Variants in AFTPH observed in about 807,000 individuals in gnomAD.
The protein encoded by AFTPH is aftiphilin, also known as aftiphilin protein.
A neutral mutation model predicts 72.5 loss-of-function variants in AFTPH; 7 were observed. The ratio of observed to expected loss-of-function variants is 0.10; its 90% CI spans 0.05 to 0.18. The LOEUF is 0.18. AFTPH is among the 10% of genes least tolerant of loss of function. AFTPH has a pLI of 1.00. For synonymous variants in AFTPH, 337 were observed against 370.1 expected (o/e 0.91, Z 1.03); for missense variants, 979 against 1,060.5 (o/e 0.92, Z 1.07).
intron 2 of AFTPH, among the ~76,000 whole-genome samples, chr2:64,556,757 T>G (rs1671402531): frequency 6.6e-6 from 1 of 152,224 alleles, no homozygotes. Context: ...AAAATGTTCG[T>G]AGTCTAATTC....
At position 64,573,085 on chromosome 2, in the gene AFTPH, G is replaced by A; in HGVS notation, c.2394+17G>A. On this transcript the variant is annotated intron_variant, in intron 6 of 8. Transcript: ENST00000238856. Reference sequence around the variant, plus strand: ...CAGTTCCAGGTAAAAATATCTATATGTGTATAAATATGTTTATGCGTGTAT... The same window carrying A: ...CAGTTCCAGGTAAAAATATCTATATATGTATAAATATGTTTATGCGTGTAT... 2 of 1,601,286 alleles carry A rather than the reference G, an allele frequency of 1.2e-6. No individual in the cohort carries two copies. The highest frequency in any genetic ancestry group is 1.7e-6 in the Non-Finnish European group (2 of 1,168,494).
At chr2:64,529,108 T>TA (rs974187498) in intron 1 of AFTPH, among the ~76,000 whole-genome samples, 14 of 152,268 alleles carry the variant, frequency 9.2e-5, no homozygotes, top group Middle Eastern at 3.4e-3. Context: ...TCAGAAAGCT[T>TA]ACAGAGGCAC....
At chr2:64,546,620 C>T (rs1486908086) in intron 1 of AFTPH, among the ~76,000 whole-genome samples, 1 of 151,678 alleles carries the variant, frequency 6.6e-6, no homozygotes, top group Non-Finnish European at 1.5e-5. Context: ...GTTGCAATGT[C>T]AATACAAATA....
chr2:64,571,248 T>C lies in AFTPH; in HGVS notation c.2271+1569T>C, dbSNP rs565987678. ...CTTGGAAGACTTGTTAAAACACAAA[T>C]TGTTGAGCACCGCCCCCCACCCCCC... On this transcript the variant is annotated intron_variant, in intron 5 of 8. Transcript: ENST00000238856. Among the ~76,000 whole-genome samples, 6 of 148,886 alleles carry C rather than the reference T, an allele frequency of 4.0e-5. No individual in the cohort carries two copies. In the South Asian group the frequency reaches 1.3e-3, roughly 31 times the overall value.
At chr2:64,531,439 G>T (rs887131369) in intron 1 of AFTPH, among the ~76,000 whole-genome samples, 4 of 152,156 alleles carry the variant, frequency 2.6e-5, no homozygotes, top group African/African-American at 9.7e-5. Flanking sequence ...CTTTTCAGCA[G>T]TGTGGAATGT....
chr2:64,561,575 A>C (rs1226988892), intron 2 of AFTPH, among the ~76,000 whole-genome samples: 1 of 152,186 alleles, frequency 6.6e-6, no homozygotes, highest in Non-Finnish European at 1.5e-5. Flanking sequence ...CTAGCTACCC[A>C]GGAGGTTGTG....
At chr2:64,532,873 G>C (rs1669701949) in intron 1 of AFTPH, among the ~76,000 whole-genome samples, 1 of 152,096 alleles carries the variant, frequency 6.6e-6, no homozygotes, top group African/African-American at 2.4e-5. Flanking sequence ...TAATACCTAT[G>C]GGAAAATTTA....
Position 64,568,798 on chromosome 2 carries a change from G to A in AFTPH, c.2088-294G>A, listed in dbSNP as rs370997736. Among the ~76,000 whole-genome samples, 34 of 152,222 alleles carry A rather than the reference G, an allele frequency of 2.2e-4. No individual in the cohort carries two copies. The South Asian group carries it at 6.6e-3, about 30-fold the overall frequency. On this transcript the variant is annotated intron_variant, in intron 3 of 8. Transcript: ENST00000238856. ...CTAATTTTTTGTATTTTTTAGTAGA[G>A]ATGGGGTTTCACCATGTTGGCCAGG...
At chr2:64,550,894 T>G (rs924118655) in intron 1 of AFTPH, among the ~76,000 whole-genome samples, 2 of 152,182 alleles carry the variant, frequency 1.3e-5, no homozygotes, top group Non-Finnish European at 2.9e-5. Flanking sequence ...CAACTTTTTT[T>G]GAGTCTTAAA....
chr2:64,544,842 G>A (rs984506101), intron 1 of AFTPH, among the ~76,000 whole-genome samples: 1 of 152,130 alleles, frequency 6.6e-6, no homozygotes, highest in African/African-American at 2.4e-5. Context: ...TTGGGTCAGA[G>A]CCAATACCTG....
At chr2:64,555,555 T>TCACTCA (rs1671300961) in intron 2 of AFTPH, among the ~76,000 whole-genome samples, 1 of 140,768 alleles carries the variant, frequency 7.1e-6, no homozygotes, top group South Asian at 2.3e-4. Context: ...AGAGAGACTG[T>TCACTCA]CACACACACA....
chr2:64,570,738 C>G (rs1001124111), intron 5 of AFTPH, among the ~76,000 whole-genome samples: 11 of 152,180 alleles, frequency 7.2e-5, no homozygotes, highest in African/African-American at 2.7e-4. Flanking sequence ...TAGGCACTTT[C>G]ATTCAGCATA....
chr2:64,575,793 C>T (rs1257526089), intron 6 of AFTPH, among the ~76,000 whole-genome samples: 1 of 148,752 alleles, frequency 6.7e-6, no homozygotes, highest in African/African-American at 2.5e-5. Flanking sequence ...GGCTGGAGTG[C>T]AGTGGCATGG....
exon 2 of AFTPH, chr2:64,552,011 G>A (rs373948557): frequency 6.2e-7 from 1 of 1,613,884 alleles, no homozygotes. Context: ...CTCCTTGTCT[G>A]GAGATTCTAA....
At chr2:64,581,603 A>G (rs1673205274) in intron 7 of AFTPH, among the ~76,000 whole-genome samples, 1 of 152,026 alleles carries the variant, frequency 6.6e-6, no homozygotes, top group Non-Finnish European at 1.5e-5. Flanking sequence ...TTAAAAGCAT[A>G]TTCTATAAAG....
At chr2:64,581,389 A>C (rs957017054) in intron 7 of AFTPH, 116 bp downstream of exon 8, 13 of 791,578 alleles carry the variant, frequency 1.6e-5, no homozygotes, top group Non-Finnish European at 2.4e-5. Flanking sequence ...ATGTCTTTTT[A>C]ATACTTTTCT....
intron 2 of AFTPH, among the ~76,000 whole-genome samples, chr2:64,562,676 T>A (rs1186311493): frequency 6.6e-6 from 1 of 152,194 alleles, no homozygotes; most frequent in East Asian, 1.9e-4. Flanking sequence ...AGCTAAACTT[T>A]GTAAAGCATT....
intron 1 of AFTPH, among the ~76,000 whole-genome samples, chr2:64,540,926 C>T (rs1361545599): frequency 3.3e-5 from 5 of 151,956 alleles, no homozygotes; most frequent in Non-Finnish European, 7.4e-5. Context: ...TTTCAGAAAC[C>T]TTTTTCTGAA....
intron 1 of AFTPH, among the ~76,000 whole-genome samples, chr2:64,535,392 GGA>G (rs1669834501): frequency 6.6e-6 from 1 of 152,160 alleles, no homozygotes; most frequent in Admixed American, 6.5e-5. Flanking sequence ...AAAAAAACAT[GGA>G]AACAAATGTG....
Sources: gnomAD v4.1 joint callset for allele counts (sites outside exome capture counted in the v4.1 genomes callset) on GRCh38, gnomAD v4.1.1 for gene constraint, MANE v1.5 for transcripts, NCBI Gene and HGNC (gene_info 2026-07-23, HGNC 2026-07-21) for gene names.